NPIPB6: variants seen among roughly 807,000 people sequenced by gnomAD.
NPIPB6 encodes the protein nuclear pore complex interacting protein family member B6.
In NPIPB6, 2 loss-of-function variants were observed where a neutral mutation model predicts 20.0. That is an observed-to-expected ratio of 0.10 (90% confidence interval 0.04 to 0.31). The LOEUF is 0.31. Among genes scored for constraint, NPIPB6 ranks in the 10% least tolerant of loss-of-function variants. The probability of loss-of-function intolerance (pLI) is 1.00; values close to 1 mark genes in which losing one functional copy is unlikely to be tolerated. For missense variants in NPIPB6, 96 were observed against 293.7 expected (o/e 0.33, Z 4.92); for synonymous variants, 35 against 116.3 (o/e 0.30, Z 4.50).
rs1392746119 is a variant in NPIPB6 at position 28,360,172 on chromosome 16, A to C, written c.120+2531T>G. On this transcript the variant is annotated intron_variant, in intron 1 of 6. Transcript: ENST00000532254. ...ACTGTCAGTGTGGGAGCAATAGTTCACAACCTCCAGCCCTAATCTGAGCAC... is the reference window on the plus strand; with the variant it reads ...ACTGTCAGTGTGGGAGCAATAGTTCCCAACCTCCAGCCCTAATCTGAGCAC... Among the ~76,000 whole-genome samples the C allele has an allele frequency of 1.0e-4, 13 of 127,032 alleles. 3 individuals are homozygous for C. Among genetic ancestry groups the C allele is most frequent in the Non-Finnish European group, 2.0e-4 (11 of 55,826 alleles). 83.3% of individuals were successfully genotyped at this position (127,032 alleles called of 152,430 possible). A position where few individuals can be genotyped will look rare whatever the true frequency, so the allele number is the denominator to read the frequency against.
chr16:28,362,317 T>C (rs1329543341), intron 1 of NPIPB6, among the ~76,000 whole-genome samples: 19 of 147,906 alleles, frequency 1.3e-4, no homozygotes, highest in African/African-American at 4.2e-4. Flanking sequence ...AGGCTGGTCT[T>C]GAAGTCCTGG....
chr16:28,351,692 C>A (rs1363937410), intron 2 of NPIPB6, among the ~76,000 whole-genome samples: 1 of 118,552 alleles, frequency 8.4e-6, no homozygotes, highest in Admixed American at 8.5e-5. Flanking sequence ...CAATTTATAC[C>A]GAAAATTCTC....
intron 2 of NPIPB6, among the ~76,000 whole-genome samples, chr16:28,349,913 A>T (rs2045188784): frequency 9.8e-6 from 1 of 102,326 alleles, no homozygotes; most frequent in South Asian, 2.8e-4. Context: ...AAAAAAAAAA[A>T]AGAGCCCAGG....
At chr16:28,350,101 G>C (rs2045195164) in intron 2 of NPIPB6, among the ~76,000 whole-genome samples, 2 of 99,048 alleles carry the variant, frequency 2.0e-5, no homozygotes, top group Admixed American at 1.2e-4. Context: ...GGAGGCTGAG[G>C]CAGGAGAACT....
At chr16:28,360,334 CA>C (rs1165777947) in intron 1 of NPIPB6, among the ~76,000 whole-genome samples, 1 of 130,316 alleles carries the variant, frequency 7.7e-6, no homozygotes, top group East Asian at 2.1e-4. Context: ...TTCCCATCCT[CA>C]AAACTATCAT....
At chr16:28,342,863 T>C in exon 7 of NPIPB6, 2 of 1,584,408 alleles carry the variant, frequency 1.3e-6, no homozygotes, top group African/African-American at 1.4e-5. Context: ...AGTCTTGAGA[T>C]TATCATCCAC....
rs1230902069 is a variant in NPIPB6 at position 28,360,472 on chromosome 16, T to G, written c.120+2231A>C. On this transcript the variant is annotated intron_variant, in intron 1 of 6. Transcript: ENST00000532254. ...CTACTCTGTTTCATCATGCTGGTGA[T>G]GATTTTGTGCGGCTCTGGGACAAAC... is the stretch of plus-strand genomic sequence containing the variant. Among the ~76,000 whole-genome samples, 4 of 128,394 alleles carry G rather than the reference T, an allele frequency of 3.1e-5. 1 individual carries two copies. The highest frequency in any genetic ancestry group is 7.1e-5 in the Non-Finnish European group (4 of 56,546). The allele number at this position is 128,394 out of a possible 152,430, so 84.2% of individuals were successfully genotyped here.
At chr16:28,349,596 A>C (rs1166077260) in intron 2 of NPIPB6, among the ~76,000 whole-genome samples, 74 of 88,510 alleles carry the variant, frequency 8.4e-4, no homozygotes, top group South Asian at 2.3e-3. Context: ...CACACACACA[A>C]GAATGACATG....
At chr16:28,362,180 C>T (rs1303915882) in intron 1 of NPIPB6, among the ~76,000 whole-genome samples, 3 of 149,806 alleles carry the variant, frequency 2.0e-5, no homozygotes, top group Non-Finnish European at 4.4e-5. Flanking sequence ...CCACTAAAAC[C>T]TCCACCTCCT....
intron 1 of NPIPB6, among the ~76,000 whole-genome samples, chr16:28,361,770 A>ATG (rs1462242029): frequency 0.14 from 9,439 of 69,892 alleles, 465 homozygotes; most frequent in African/African-American, 0.2. Context: ...GTGTGTGTGT[A>ATG]TGTGTGTGTG....
In NPIPB6 at chr16:28,346,162, C is replaced by A. The variant is rs1190096801; in HGVS notation, c.600-1409G>T. On this transcript the variant is annotated intron_variant, in intron 4 of 6. Coordinates refer to ENST00000532254, the Ensembl canonical transcript of NPIPB6. ...TAAATATAAAGACTATTAAAAGCTT[C>A]TATGAGGTGCACTATGTGTGTCTCT... 8.8e-6 allele frequency: 7 copies of A among 794,352 alleles called. 2 individuals carry two copies. Among genetic ancestry groups the A allele is most frequent in the Non-Finnish European group, 1.0e-5 (7 of 670,962 alleles). 49.2% of individuals were successfully genotyped at this position (794,352 alleles called of 1,614,324 possible).
At chr16:28,343,062 T>C (rs1269431600) in exon 7 of NPIPB6, 1 of 1,457,780 alleles carries the variant, frequency 6.9e-7, no homozygotes, top group South Asian at 1.1e-5. Context: ...GAGTTATCAG[T>C]TATAGAATGT....
intron 1 of NPIPB6, among the ~76,000 whole-genome samples, chr16:28,359,131 G>T (rs1454683424): frequency 1.4e-5 from 2 of 142,574 alleles, no homozygotes; most frequent in Non-Finnish European, 3.0e-5. Flanking sequence ...GGTTGTGTTG[G>T]TTGTAAAAGG....
At chr16:28,349,542 C>T (rs1462349993) in intron 2 of NPIPB6, among the ~76,000 whole-genome samples, 1 of 101,222 alleles carries the variant, frequency 9.9e-6, no homozygotes, top group Non-Finnish European at 2.1e-5. Flanking sequence ...CAGAATGAGA[C>T]TCTGTCACAC....
At position 28,348,261 on chromosome 16, in the gene NPIPB6, G is replaced by A. The variant is rs1218559523; in HGVS notation, c.599+573C>T. 2.2e-4 allele frequency among the ~76,000 whole-genome samples: 24 copies of A among 110,460 alleles called. 7 individuals carry two copies. Among genetic ancestry groups the A allele is most frequent in the African/African-American group, 4.1e-4 (13 of 32,096 alleles). The allele number at this position is 110,460 out of a possible 152,430, so 72.5% of individuals were successfully genotyped here. ...AGCACTCCAGCCAGGGCGACAGAGC[G>A]AGATTCTATCTCAAAATTTTAAAAA... is the stretch of plus-strand genomic sequence containing the variant. On this transcript the variant is annotated intron_variant, in intron 4 of 6. Coordinates refer to ENST00000532254, the Ensembl canonical transcript of NPIPB6.
chr16:28,343,166 T>C (rs745420663), exon 7 of NPIPB6: 6 of 1,582,078 alleles, frequency 3.8e-6, no homozygotes, highest in South Asian at 2.2e-5. Flanking sequence ...AGAATGACGA[T>C]GCTCCGCTGC....
rs1188222492 is a variant in NPIPB6, at chr16:28,348,014, G to A, written c.599+820C>T. ...AGTCCCAGCTACTCAAGAGGCTGAG[G>A]GATAAGAATCACTTGAACCTGGGAG... On this transcript the variant is annotated intron_variant, in intron 4 of 6. Transcript: ENST00000532254. Among the ~76,000 whole-genome samples, 3 of 119,758 alleles carry A rather than the reference G, an allele frequency of 2.5e-5. 1 individual carries two copies. The highest frequency in any genetic ancestry group is 5.7e-5 in the Non-Finnish European group (3 of 53,002). The allele number at this position is 119,758 out of a possible 152,430, so 78.6% of individuals were successfully genotyped here.
In NPIPB6 at chr16:28,349,947, C is replaced by A. The variant is rs1460990588; in HGVS notation, c.304-706G>T. On this transcript the variant is annotated intron_variant, in intron 2 of 6. Coordinates refer to ENST00000532254, the Ensembl canonical transcript of NPIPB6. ...GGTGCGGTAGCTCACGCCTGTAATC[C>A]CAGCACTTTGGGAGGCTGAGGCGGG... Among the ~76,000 whole-genome samples the A allele has an allele frequency of 1.9e-5, 2 of 105,636 alleles. 1 individual carries two copies. 69.3% of individuals were successfully genotyped at this position (105,636 alleles called of 152,430 possible).
chr16:28,350,235 C>T (rs1273589518), intron 2 of NPIPB6, among the ~76,000 whole-genome samples: 3 of 102,660 alleles, frequency 2.9e-5, no homozygotes, highest in Non-Finnish European at 4.3e-5. Context: ...ATACTTCACA[C>T]AACTGAACTG....
Sources: gnomAD v4.1 joint callset for allele counts (sites outside exome capture counted in the v4.1 genomes callset) on GRCh38, gnomAD v4.1.1 for gene constraint, MANE v1.5 for transcripts, NCBI Gene and HGNC (gene_info 2026-07-23, HGNC 2026-07-21) for gene names.